The following RANBP2 variants were observed in gnomAD, a reference collection of about 807,000 sequenced individuals.
The protein encoded by RANBP2 is E3 SUMO-protein ligase RanBP2.
In RANBP2, 57 loss-of-function variants were observed where a neutral mutation model predicts 303.6. The ratio of observed to expected loss-of-function variants is 0.19; its 90% CI spans 0.15 to 0.23. The LOEUF (loss-of-function observed/expected upper bound fraction) is 0.23. Ranked by LOEUF, RANBP2 falls within the 10% of genes least tolerant of loss-of-function variation. RANBP2 has a pLI of 1.00. For synonymous variants in RANBP2, 1,167 were observed against 1,301.5 expected, an observed-to-expected ratio of 0.90 and a Z score of 2.23; for missense variants, 3,138 against 3,780.8, an observed-to-expected ratio of 0.83 and a Z score of 4.46.
At chr2:109,206,654 A>T in the RANBP2 span, among the ~76,000 whole-genome samples, 1 of 152,058 alleles carries the variant, frequency 6.6e-6, no homozygotes, top group African/African-American at 2.4e-5. Context: ...ACAAAAAAAA[A>T]ATTTTTTTTA....
At chr2:109,794,610 G>GA in the RANBP2 span, 100 of 190,806 alleles carry the variant, frequency 5.2e-4, no homozygotes, top group South Asian at 1.2e-3. Context: ...GGCGGCGGCG[G>GA]GGGGGGCGGC....
chr2:109,655,078 T>C, the RANBP2 span, among the ~76,000 whole-genome samples: 5 of 152,090 alleles, frequency 3.3e-5, no homozygotes, highest in Non-Finnish European at 7.4e-5. Context: ...AATTTTTGTA[T>C]TTTTAGTAGA....
the RANBP2 span, among the ~76,000 whole-genome samples, chr2:109,554,610 A>G: frequency 6.6e-6 from 1 of 152,202 alleles, no homozygotes; most frequent in East Asian, 1.9e-4. Flanking sequence ...AAACCTGTAG[A>G]TACAGGGAGA....
At chr2:109,170,287 CTCTTCTCTTCTCTTCTCTTCTCTT>C in the RANBP2 span, among the ~76,000 whole-genome samples, 1 of 120,922 alleles carries the variant, frequency 8.3e-6, no homozygotes, top group Non-Finnish European at 1.8e-5. Flanking sequence ...CTCTTCTCTT[CTCTTCTCTTCTCTTCTCTTCTCTT>C]CTCTCCTCTC....
the RANBP2 span, chr2:109,574,470 A>T: frequency 1.4e-5 from 9 of 628,726 alleles, no homozygotes; most frequent in African/African-American, 1.9e-5. Context: ...AAAAAAATTT[A>T]AAAAAGATGC....
At chr2:109,682,184 T>C in the RANBP2 span, among the ~76,000 whole-genome samples, 1 of 152,144 alleles carries the variant, frequency 6.6e-6, no homozygotes, top group Non-Finnish European at 1.5e-5. Flanking sequence ...TAATTTCCTG[T>C]TGGGAAAAAG....
At chr2:109,487,376 A>G in the RANBP2 span, among the ~76,000 whole-genome samples, 17 of 152,188 alleles carry the variant, frequency 1.1e-4, no homozygotes, top group Non-Finnish European at 1.8e-4. Flanking sequence ...TCCATATTCC[A>G]TGGATTCCGT....
At chr2:109,396,538 A>G in the RANBP2 span, among the ~76,000 whole-genome samples, 1 of 152,152 alleles carries the variant, frequency 6.6e-6, no homozygotes, top group African/African-American at 2.4e-5. Flanking sequence ...ATGCCACTTA[A>G]ACTCAGCAGG....
At chr2:109,217,792 G>C in the RANBP2 span, among the ~76,000 whole-genome samples, 6 of 152,174 alleles carry the variant, frequency 3.9e-5, no homozygotes, top group Non-Finnish European at 7.4e-5. Flanking sequence ...CTGATTGCTG[G>C]CCTGGCTGTG....
the RANBP2 span, among the ~76,000 whole-genome samples, chr2:109,179,003 ATGTGTGTGTG>A: frequency 7.0e-6 from 1 of 142,066 alleles, no homozygotes; most frequent in African/African-American, 2.6e-5. Context: ...AAGTATAATA[ATGTGTGTGTG>A]TGTGTGTGTG....
At chr2:109,380,665 A>G in the RANBP2 span, among the ~76,000 whole-genome samples, 1 of 152,212 alleles carries the variant, frequency 6.6e-6, no homozygotes, top group Non-Finnish European at 1.5e-5. Context: ...CACTGGGGCC[A>G]CAGCCCACCT....
chr2:109,030,255 G>A, the RANBP2 span, among the ~76,000 whole-genome samples: 2 of 152,144 alleles, frequency 1.3e-5, no homozygotes, highest in African/African-American at 2.4e-5. Flanking sequence ...AGCAGGCCAT[G>A]CGCTCAAGTG....
the RANBP2 span, among the ~76,000 whole-genome samples, chr2:109,634,453 GCTT>G: frequency 6.6e-6 from 1 of 152,240 alleles, no homozygotes; most frequent in African/African-American, 2.4e-5. Context: ...GGGAATGAGA[GCTT>G]CAGAGCATGC....
rs868383616 is a variant in RANBP2, at chr2:108,782,463, A to G, written c.9034+62A>G. The G allele has an allele frequency of 3.1e-6, 5 of 1,613,594 alleles. No individual in the cohort carries two copies. The Middle Eastern group carries it at 8.3e-4, about 266-fold the overall frequency. On this transcript the variant is annotated intron_variant, in intron 27 of 28. Coordinates refer to ENST00000283195, the MANE Select transcript of RANBP2 (RefSeq NM_006267.5). ...TGGACTTTTCTAAAATCTATAACAA[A>G]CAAAACAACTTATAACAGTTATTTT...
At chr2:109,259,199 G>C in the RANBP2 span, among the ~76,000 whole-genome samples, 1 of 152,378 alleles carries the variant, frequency 6.6e-6, no homozygotes, top group African/African-American at 2.4e-5. Context: ...TAAAGTGTAG[G>C]CTTCTCTGGC....
chr2:108,767,332 A>G lies in RANBP2; in HGVS notation c.6793A>G (p.Thr2265Ala), dbSNP rs760518539. ...KNLFRFGEST[T>A]GFNFSFKSAL... The stretch of plus-strand genomic sequence containing the variant: ...TCTTTTCCGTTTTGGTGAGTCAACA[A>G]CAGGATTTAACTTCAGTTTTAAATC... Residue 2265 changes from threonine (T) to alanine (A), a missense_variant, in exon 20 of 29, where the codon ACA becomes GCA. Thr to Ala is a moderately conservative substitution (Grantham distance 58). Around this residue, in one of 20 missense-constraint regions of RANBP2, gnomAD observed 72 missense variants for 86.8 expected, o/e 0.83. Transcript: ENST00000283195. 3.7e-6 allele frequency: 6 copies of G among 1,612,080 alleles called. No individual in the cohort carries two copies. Among genetic ancestry groups the G allele is most frequent in the Non-Finnish European group, 2.5e-6 (3 of 1,179,874 alleles).
At chr2:109,531,835 G>A in the RANBP2 span, among the ~76,000 whole-genome samples, 1 of 152,192 alleles carries the variant, frequency 6.6e-6, no homozygotes, top group Non-Finnish European at 1.5e-5. Context: ...CGGAATCGAG[G>A]TCATCATGGT....
At chr2:108,843,781 C>T in the RANBP2 span, among the ~76,000 whole-genome samples, 1 of 148,106 alleles carries the variant, frequency 6.8e-6, no homozygotes, top group East Asian at 2.0e-4. Flanking sequence ...TTTCTTCAGT[C>T]TCTGGGCACG....
chr2:109,684,572 C>T, the RANBP2 span, among the ~76,000 whole-genome samples: 2 of 139,294 alleles, frequency 1.4e-5, no homozygotes, highest in African/African-American at 2.7e-5. Flanking sequence ...CTTGCTCTGT[C>T]GTCCAGGATG....
Sources: allele counts gnomAD v4.1 joint callset (sites outside exome capture counted in the v4.1 genomes callset), GRCh38; gene constraint gnomAD v4.1.1; regional missense constraint gnomAD v4.1.1; transcripts MANE v1.5; gene names NCBI Gene and HGNC (gene_info 2026-07-23, HGNC 2026-07-21).